Variants in RALYL observed in about 807,000 individuals in gnomAD.
RALYL encodes RNA-binding Raly-like protein.
A neutral mutation model predicts 35.1 loss-of-function variants in RALYL; 29 were observed. That is an observed-to-expected ratio of 0.83 (90% CI 0.61 to 1.13). The LOEUF (loss-of-function observed/expected upper bound fraction) is 1.13. Among genes scored for constraint, RALYL ranks in the 50% most tolerant of loss-of-function variants. The pLI is 0.00. For missense variants in RALYL, 359 were observed against 360.4 expected, an observed-to-expected ratio of 1.00 and a Z score of 0.03; for synonymous variants, 120 against 127.6, an observed-to-expected ratio of 0.94 and a Z score of 0.40.
rs543930129 is a variant in RALYL, at chr8:84,688,118, G to GT, written c.257-86450dup. Among the ~76,000 whole-genome samples, 737 of 146,616 alleles carry GT rather than the reference G, an allele frequency of 5.0e-3. 2 individuals carry two copies. The highest frequency in any genetic ancestry group is 0.018 in the South Asian group (83 of 4,644). ...ACTAAGCTACTTCTCACTCCTCATA[G>GT]TTTTTTTTTTTCTTTAGCTTAGGAA... On this transcript the variant is annotated intron_variant, in intron 2 of 8. Coordinates refer to ENST00000521268, the MANE Select transcript of RALYL (RefSeq NM_173848.7).
chr8:84,603,972 T>C (rs1455371764), intron 2 of RALYL, among the ~76,000 whole-genome samples: 1 of 152,116 alleles, frequency 6.6e-6, no homozygotes, highest in Non-Finnish European at 1.5e-5. Flanking sequence ...ACAATTTCTA[T>C]TCACTTTCCT....
chr8:84,334,041 C>A (rs73293095), intron 1 of RALYL, among the ~76,000 whole-genome samples: 334 of 152,072 alleles, frequency 2.2e-3, no homozygotes, highest in African/African-American at 7.3e-3. Flanking sequence ...TGCATGCTAC[C>A]ACACAGCTAA....
chr8:84,906,865 A>T (rs1846592652), intron 8 of RALYL: 3 of 708,354 alleles, frequency 4.2e-6, no homozygotes, highest in Non-Finnish European at 5.2e-6. Context: ...CGGCACAACC[A>T]TGCTGCACTA....
intron 2 of RALYL, among the ~76,000 whole-genome samples, chr8:84,719,280 A>G (rs1843458011): frequency 6.6e-6 from 1 of 152,196 alleles, no homozygotes; most frequent in Admixed American, 6.5e-5. Flanking sequence ...GGATTGCCTT[A>G]TTTATGTACC....
chr8:84,281,425 A>C (rs1216501915), intron 1 of RALYL, among the ~76,000 whole-genome samples: 1 of 152,050 alleles, frequency 6.6e-6, no homozygotes, highest in East Asian at 1.9e-4. Flanking sequence ...AATGGATAAA[A>C]GATGTAAGGT....
At chr8:84,337,557 A>T (rs995260687) in intron 1 of RALYL, among the ~76,000 whole-genome samples, 4 of 152,134 alleles carry the variant, frequency 2.6e-5, no homozygotes, top group Non-Finnish European at 4.4e-5. Flanking sequence ...ATAACTTTTC[A>T]GTACATTGAA....
intron 3 of RALYL, among the ~76,000 whole-genome samples, chr8:84,781,622 T>C (rs1317844088): frequency 6.6e-6 from 1 of 152,154 alleles, no homozygotes; most frequent in Non-Finnish European, 1.5e-5. Flanking sequence ...ACATAGTTTA[T>C]GATAAAAATC....
intron 3 of RALYL, among the ~76,000 whole-genome samples, chr8:84,803,681 G>T (rs772681060): frequency 3.3e-5 from 5 of 152,164 alleles, no homozygotes; most frequent in Non-Finnish European, 7.4e-5. Flanking sequence ...ACCCAAAGCA[G>T]CATGGTATAT....
chr8:84,310,430 G>A (rs975026375), intron 1 of RALYL, among the ~76,000 whole-genome samples: 2 of 151,666 alleles, frequency 1.3e-5, no homozygotes, highest in Non-Finnish European at 1.5e-5. Context: ...ATCACACAAT[G>A]TCTATGTATA....
chr8:84,628,181 C>T (rs1823159071), intron 2 of RALYL, among the ~76,000 whole-genome samples: 1 of 152,118 alleles, frequency 6.6e-6, no homozygotes, highest in South Asian at 2.1e-4. Flanking sequence ...GTAACTCTTT[C>T]CTCTTTTCAT....
intron 2 of RALYL, among the ~76,000 whole-genome samples, chr8:84,681,419 G>A (rs539907682): frequency 9.9e-5 from 15 of 152,088 alleles, no homozygotes; most frequent in African/African-American, 3.6e-4. Context: ...GGATGGCATT[G>A]AATCTATAAA....
At chr8:84,318,220 C>A (rs530185265) in intron 1 of RALYL, among the ~76,000 whole-genome samples, 1 of 152,190 alleles carries the variant, frequency 6.6e-6, no homozygotes, top group Admixed American at 6.5e-5. Flanking sequence ...TGTGGGACTG[C>A]ACAAGCTGCA....
At chr8:84,756,361 A>T (rs1361062546) in intron 2 of RALYL, among the ~76,000 whole-genome samples, 1 of 152,160 alleles carries the variant, frequency 6.6e-6, no homozygotes, top group Non-Finnish European at 1.5e-5. Context: ...TCAGTGCACC[A>T]AACTACCAAG....
chr8:84,257,289 C>T (rs933453413), intron 1 of RALYL, among the ~76,000 whole-genome samples: 1 of 151,856 alleles, frequency 6.6e-6, no homozygotes, highest in Non-Finnish European at 1.5e-5. Context: ...TGGTAGAGCC[C>T]CACTTTCAGC....
intron 8 of RALYL, among the ~76,000 whole-genome samples, chr8:84,919,434 C>T (rs1848974431): frequency 6.6e-6 from 1 of 152,004 alleles, no homozygotes; most frequent in Admixed American, 6.6e-5. Context: ...CTTTACACCA[C>T]ACAAAAAGTA....
intron 1 of RALYL, among the ~76,000 whole-genome samples, chr8:84,454,470 T>C (rs539097682): frequency 3.9e-5 from 6 of 152,186 alleles, no homozygotes; most frequent in African/African-American, 1.4e-4. Flanking sequence ...GAAGGGATAA[T>C]GGAAGTAGAG....
intron 2 of RALYL, among the ~76,000 whole-genome samples, chr8:84,574,058 T>G (rs1808720642): frequency 6.6e-6 from 1 of 152,030 alleles, no homozygotes; most frequent in Non-Finnish European, 1.5e-5. Context: ...TATAAATTTA[T>G]GTTGATGTCA....
intron 1 of RALYL, chr8:84,185,323 C>G (rs891568316): frequency 1.4e-5 from 6 of 435,292 alleles, no homozygotes; most frequent in Non-Finnish European, 4.2e-6. Flanking sequence ...TAAAGGTTTT[C>G]CCCTGAGAAC....
intron 2 of RALYL, among the ~76,000 whole-genome samples, chr8:84,581,912 A>G (rs1374454619): frequency 6.6e-6 from 1 of 152,110 alleles, no homozygotes; most frequent in South Asian, 2.1e-4. Context: ...TAGATAAAGA[A>G]AAATTCTGGC....
Sources: gnomAD v4.1 joint callset for allele counts (sites outside exome capture counted in the v4.1 genomes callset) on GRCh38, gnomAD v4.1.1 for gene constraint, MANE v1.5 for transcripts, NCBI Gene and HGNC (gene_info 2026-07-23, HGNC 2026-07-21) for gene names.